Variants in ST18 observed in about 807,000 individuals in gnomAD.
ST18 encodes the protein ST18 C2H2C-type zinc finger transcription factor, also known as suppression of tumorigenicity 18 protein.
A neutral mutation model predicts 110.0 loss-of-function variants in ST18; 50 were observed. That is an observed-to-expected ratio of 0.45 (90% CI 0.36 to 0.58). ST18 has a LOEUF of 0.58. ST18 is among the 20% of genes least tolerant of loss of function. The pLI, the probability that ST18 is intolerant of heterozygous loss-of-function variation, is 0.00. For synonymous variants in ST18, 461 were observed against 452.4 expected (o/e 1.02, Z -0.24); for missense variants, 1,306 against 1,280.1 (o/e 1.02, Z -0.31).
rs538917510 is a variant in ST18 at position 52,362,589 on chromosome 8, TAA to T, written c.-465+46737_-465+46738del. Among the ~76,000 whole-genome samples, 722 of 152,368 alleles carry T rather than the reference TAA, an allele frequency of 4.7e-3. 7 individuals are homozygous for T. The highest frequency in any genetic ancestry group is 0.013 in the African/African-American group (541 of 41,594). On this transcript the variant is annotated intron_variant, in intron 2 of 25. Coordinates refer to ENST00000689386, the MANE Select transcript of ST18 (RefSeq NM_001352837.2). ...TTAGGGCAATGTTTGGCACACAGACTAAGAGTCGCATTCTTGTTAGATATAAT... is the reference window on the plus strand; with the variant it reads ...TTAGGGCAATGTTTGGCACACAGACTGAGTCGCATTCTTGTTAGATATAAT...
In ST18 at chr8:52,168,198, G is replaced by A. The variant is rs1432568284; in HGVS notation, c.1070-1212C>T. 2.0e-5 allele frequency among the ~76,000 whole-genome samples: 3 copies of A among 149,976 alleles called. No homozygotes were observed. In the Admixed American group the frequency reaches 2.0e-4, roughly 10 times the overall value. On this transcript the variant is annotated intron_variant, in intron 10 of 25. Transcript: ENST00000689386. ...GAGCCCTCAGAGAGGGGCAATGCAG[G>A]AGGACAGGAGGCTATCGGGGTCTGC...
chr8:52,363,466 G>T (rs1040351842), intron 2 of ST18, among the ~76,000 whole-genome samples: 2 of 151,948 alleles, frequency 1.3e-5, no homozygotes, highest in Non-Finnish European at 2.9e-5. Flanking sequence ...TCATGGGCTC[G>T]GTGTGAATTA....
At chr8:52,340,728 T>C (rs1814563049) in intron 2 of ST18, among the ~76,000 whole-genome samples, 1 of 152,172 alleles carries the variant, frequency 6.6e-6, no homozygotes. Flanking sequence ...AGACACACTC[T>C]AGTGCTGTCT....
chr8:52,169,009 G>A (rs1046116846), intron 10 of ST18, among the ~76,000 whole-genome samples: 10 of 152,196 alleles, frequency 6.6e-5, no homozygotes, highest in East Asian at 1.9e-4. Context: ...AAGGATTGGC[G>A]TCGCACACTT....
chr8:52,212,853 T>C (rs1322457291), intron 7 of ST18, among the ~76,000 whole-genome samples: 1 of 152,166 alleles, frequency 6.6e-6, no homozygotes, highest in Non-Finnish European at 1.5e-5. Context: ...CCAAAAGGAA[T>C]TGCAAATTTA....
In ST18 at chr8:52,163,413, A is replaced by T. The variant is rs530579410; in HGVS notation, c.1400+573T>A. 2.0e-5 allele frequency among the ~76,000 whole-genome samples: 3 copies of T among 152,326 alleles called. No homozygotes were observed. In the East Asian group the frequency reaches 5.8e-4, roughly 29 times the overall value. ...ATAACTTTACATTAAATATCATCATATATACTTTAGTATTTAGATATAAAA... is the reference window on the plus strand; with the variant it reads ...ATAACTTTACATTAAATATCATCATTTATACTTTAGTATTTAGATATAAAA... On this transcript the variant is annotated intron_variant, in intron 13 of 25. Transcript: ENST00000689386.
At chr8:52,369,396 T>G (rs1829410231) in intron 2 of ST18, among the ~76,000 whole-genome samples, 1 of 152,162 alleles carries the variant, frequency 6.6e-6, no homozygotes, top group Non-Finnish European at 1.5e-5. Flanking sequence ...ACTCTCTCCT[T>G]CCTGCTGACT....
intron 2 of ST18, among the ~76,000 whole-genome samples, chr8:52,400,503 T>C (rs2141085987): frequency 6.6e-6 from 1 of 152,250 alleles, no homozygotes; most frequent in South Asian, 2.1e-4. Flanking sequence ...TTTCCTTTCT[T>C]CCTCTTTTGT....
At chr8:52,293,575 C>T (rs1458365806) in intron 2 of ST18, among the ~76,000 whole-genome samples, 1 of 152,168 alleles carries the variant, frequency 6.6e-6, no homozygotes, top group African/African-American at 2.4e-5. Context: ...CAATGCTTTG[C>T]CCTCTCATTT....
intron 8 of ST18, chr8:52,199,167 T>C (rs1440980767): frequency 3.9e-5 from 6 of 152,116 alleles, no homozygotes; most frequent in Admixed American, 2.6e-4. Context: ...ACAACTGCTC[T>C]TTCTGGAGAA....
At chr8:52,222,030 T>C (rs974601376) in intron 3 of ST18, 2 of 152,098 alleles carry the variant, frequency 1.3e-5, no homozygotes, top group African/African-American at 4.8e-5. Flanking sequence ...TACACTAACC[T>C]AAAACAAAAG....
intron 2 of ST18, among the ~76,000 whole-genome samples, chr8:52,364,095 T>A (rs1215794780): frequency 6.6e-6 from 1 of 152,244 alleles, no homozygotes; most frequent in Non-Finnish European, 1.5e-5. Context: ...CATGAAACCA[T>A]TTTTAAGCTC....
In ST18 at chr8:52,242,380, G is replaced by A. The variant is rs575089588; in HGVS notation, c.-464-12303C>T. Among the ~76,000 whole-genome samples the A allele has an allele frequency of 4.6e-5, 7 of 152,352 alleles. No individual in the cohort carries two copies. In the East Asian group the frequency reaches 1.4e-3, roughly 29 times the overall value. On this transcript the variant is annotated intron_variant, in intron 2 of 25. Coordinates refer to ENST00000689386, the MANE Select transcript of ST18 (RefSeq NM_001352837.2). ...CCCCTCTGGGGGCTATGGTGCCTGA[G>A]GTTGAATCCAGGCTCTGACCAAGCA...
intron 11 of ST18, 56 bp from the exon 12 acceptor site, chr8:52,165,281 A>C: frequency 6.5e-7 from 1 of 1,548,272 alleles, no homozygotes; most frequent in East Asian, 2.2e-5. Flanking sequence ...TACAAAGCAC[A>C]CTAACACGTG....
intron 23 of ST18, chr8:52,125,751 A>T (rs1563533226): frequency 3.5e-6 from 1 of 287,202 alleles, no homozygotes; most frequent in East Asian, 6.8e-5. Flanking sequence ...TGGTCTCCCA[A>T]AGTGCTGGGA....
intron 22 of ST18, among the ~76,000 whole-genome samples, chr8:52,128,524 G>C (rs1424144928): frequency 6.6e-6 from 1 of 151,980 alleles, no homozygotes; most frequent in Non-Finnish European, 1.5e-5. Context: ...GGAAAATTTT[G>C]TCACATAGAG....
chr8:52,233,769 C>G (rs541483646), intron 2 of ST18, among the ~76,000 whole-genome samples: 1 of 152,266 alleles, frequency 6.6e-6, no homozygotes, highest in Admixed American at 6.5e-5. Context: ...TTAGCTGTGG[C>G]AAATTACTGA....
At chr8:52,277,000 C>G (rs1362929159) in intron 2 of ST18, among the ~76,000 whole-genome samples, 2 of 152,144 alleles carry the variant, frequency 1.3e-5, no homozygotes, top group Non-Finnish European at 2.9e-5. Context: ...CTCCTGACCT[C>G]AGGTGATTCA....
At chr8:52,246,463 AG>A (rs1360036156) in intron 2 of ST18, 1 of 152,222 alleles carries the variant, frequency 6.6e-6, no homozygotes, top group African/African-American at 2.4e-5. Flanking sequence ...GCTTACAGAG[AG>A]TTTAAGTTGA....
Sources: gnomAD v4.1 joint callset for allele counts (sites outside exome capture counted in the v4.1 genomes callset) on GRCh38, gnomAD v4.1.1 for gene constraint, MANE v1.5 for transcripts, NCBI Gene and HGNC (gene_info 2026-07-23, HGNC 2026-07-21) for gene names.